RBFOX1: variants seen among roughly 807,000 people sequenced by gnomAD.
RBFOX1 encodes the protein RNA binding protein fox-1 homolog 1.
A neutral mutation model predicts 57.7 loss-of-function variants in RBFOX1; 8 were observed. The ratio of observed to expected loss-of-function variants is 0.14; its 90% CI spans 0.08 to 0.25. RBFOX1 has a LOEUF of 0.25. RBFOX1 is among the 10% of genes least tolerant of loss of function. The probability of loss-of-function intolerance (pLI) is 1.00; values close to 1 mark genes in which losing one functional copy is unlikely to be tolerated. For synonymous variants in RBFOX1, 326 were observed against 222.4 expected (o/e 1.47, Z -4.15); for missense variants, 611 against 548.5 (o/e 1.11, Z -1.14).
chr16:5,984,976 ATTTT>A (rs869160414), intron 4 of RBFOX1, among the ~76,000 whole-genome samples: 3,525 of 54,810 alleles, frequency 0.064, 25 homozygotes, highest in East Asian at 0.13. Context: ...ATATATATAT[ATTTT>A]TTTTTTTTTT....
chr16:7,177,208 C>A (rs746368108), intron 4 of RBFOX1, among the ~76,000 whole-genome samples: 2 of 152,160 alleles, frequency 1.3e-5, no homozygotes, highest in African/African-American at 2.4e-5. Flanking sequence ...ACAATACAAC[C>A]GCTTCCAATC....
rs1568612251 is a variant in RBFOX1 at position 7,064,343 on chromosome 16, AT to A, written c.27+12250del. Among the ~76,000 whole-genome samples, 7 of 151,718 alleles carry A rather than the reference AT, an allele frequency of 4.6e-5. No individual in the cohort carries two copies. The South Asian group carries it at 1.3e-3, about 27-fold the overall frequency. On this transcript the variant is annotated intron_variant, in intron 4 of 15. Transcript: ENST00000550418. ...GCCACCATACCCAGCTAATTTTTGT[AT>A]TTTTAGTAGAGATGGGGTTTCACCA... is the stretch of plus-strand genomic sequence containing the variant.
At chr16:5,643,765 C>T (rs890703897) in intron 3 of RBFOX1, among the ~76,000 whole-genome samples, 4 of 152,106 alleles carry the variant, frequency 2.6e-5, no homozygotes, top group Non-Finnish European at 4.4e-5. Flanking sequence ...TTTACTGATT[C>T]TTGTGGAAGA....
At chr16:5,701,209 G>C (rs1481571926) in intron 3 of RBFOX1, among the ~76,000 whole-genome samples, 1 of 152,172 alleles carries the variant, frequency 6.6e-6, no homozygotes, top group African/African-American at 2.4e-5. Context: ...GGCCTCCCCT[G>C]CCAGACTATG....
In RBFOX1 at chr16:6,113,780, T is replaced by C. The variant is rs1489890675; in HGVS notation, c.-127+93788T>C. On this transcript the variant is annotated intron_variant, in intron 1 of 15. Transcript: ENST00000550418. ...ACATACACTCTAGAAATGTTTGTTG[T>C]CTTGAATTGATTTGAAGGCGTCAGA... 3.3e-5 allele frequency among the ~76,000 whole-genome samples: 5 copies of C among 152,220 alleles called. No homozygotes were observed. The South Asian group carries it at 1.0e-3, about 32-fold the overall frequency.
chr16:7,038,344 A>T (rs538631298), intron 3 of RBFOX1, among the ~76,000 whole-genome samples: 1 of 152,262 alleles, frequency 6.6e-6, no homozygotes, highest in South Asian at 2.1e-4. Flanking sequence ...TCATGAGGGA[A>T]AGAAATGGTG....
At chr16:6,102,141 G>A (rs1336652689) in intron 1 of RBFOX1, among the ~76,000 whole-genome samples, 5 of 141,704 alleles carry the variant, frequency 3.5e-5, no homozygotes, top group Non-Finnish European at 6.0e-5. Flanking sequence ...GTTTCGGCCT[G>A]AAGGAATTTA....
intron 3 of RBFOX1, among the ~76,000 whole-genome samples, chr16:6,906,306 G>T (rs1281699600): frequency 6.6e-6 from 1 of 151,950 alleles, no homozygotes; most frequent in African/African-American, 2.4e-5. Flanking sequence ...GTTGGCTGGG[G>T]TAATAAAATT....
chr16:6,234,628 T>G (rs1331678330), intron 1 of RBFOX1, among the ~76,000 whole-genome samples: 1 of 152,192 alleles, frequency 6.6e-6, no homozygotes, highest in East Asian at 1.9e-4. Flanking sequence ...CTCTCAGGTT[T>G]TTATCTGGGT....
At chr16:6,111,021 G>A (rs1034529261) in intron 1 of RBFOX1, among the ~76,000 whole-genome samples, 1 of 152,148 alleles carries the variant, frequency 6.6e-6, no homozygotes, top group Non-Finnish European at 1.5e-5. Context: ...TCAGTGGAAG[G>A]AAGAGATTCT....
At chr16:7,689,572 C>A (rs1333170834) in intron 14 of RBFOX1, among the ~76,000 whole-genome samples, 1 of 151,998 alleles carries the variant, frequency 6.6e-6, no homozygotes, top group African/African-American at 2.4e-5. Context: ...GAGTTGAAAC[C>A]CAGGAATCTA....
intron 4 of RBFOX1, among the ~76,000 whole-genome samples, chr16:7,148,278 G>C (rs771719523): frequency 6.6e-6 from 1 of 152,124 alleles, no homozygotes; most frequent in African/African-American, 2.4e-5. Flanking sequence ...CATGCTCTTG[G>C]TATTATTTAC....
chr16:6,248,952 G>T (rs1023392588), intron 1 of RBFOX1, among the ~76,000 whole-genome samples: 3 of 152,122 alleles, frequency 2.0e-5, no homozygotes, highest in Non-Finnish European at 4.4e-5. Context: ...TATGTACGAG[G>T]TACTGAAGGA....
intron 4 of RBFOX1, among the ~76,000 whole-genome samples, chr16:5,943,779 A>G (rs1034284296): frequency 6.6e-6 from 1 of 152,148 alleles, no homozygotes; most frequent in African/African-American, 2.4e-5. Flanking sequence ...TACCATTCAC[A>G]TTCACCCATT....
At chr16:5,625,624 C>G (rs772013913) in intron 3 of RBFOX1, among the ~76,000 whole-genome samples, 9 of 151,838 alleles carry the variant, frequency 5.9e-5, no homozygotes, top group South Asian at 4.2e-4. Flanking sequence ...GTGGTGCAAT[C>G]TTGGCTTACT....
intron 3 of RBFOX1, among the ~76,000 whole-genome samples, chr16:6,672,868 C>G (rs1351669701): frequency 2.0e-5 from 3 of 152,128 alleles, no homozygotes; most frequent in African/African-American, 7.2e-5. Flanking sequence ...TTATGGGTCA[C>G]TTGCCCCCTT....
chr16:6,951,876 G>A (rs1358326115), intron 3 of RBFOX1, among the ~76,000 whole-genome samples: 1 of 151,620 alleles, frequency 6.6e-6, no homozygotes, highest in Non-Finnish European at 1.5e-5. Context: ...TGGGATTACA[G>A]GCATATGCAC....
intron 2 of RBFOX1, among the ~76,000 whole-genome samples, chr16:6,325,248 A>T (rs2082245465): frequency 6.6e-6 from 1 of 152,136 alleles, no homozygotes; most frequent in South Asian, 2.1e-4. Context: ...GGTCCTAGCT[A>T]CTTCAGAAGC....
intron 4 of RBFOX1, among the ~76,000 whole-genome samples, chr16:7,283,017 T>C (rs1315680881): frequency 6.6e-6 from 1 of 152,320 alleles, no homozygotes; most frequent in East Asian, 1.9e-4. Context: ...ATGGATGGGT[T>C]GGTTCCACAT....
Sources: allele counts gnomAD v4.1 joint callset (sites outside exome capture counted in the v4.1 genomes callset), GRCh38; gene constraint gnomAD v4.1.1; transcripts MANE v1.5; gene names NCBI Gene and HGNC (gene_info 2026-07-23, HGNC 2026-07-21).